Variants in PLCE1 observed in about 807,000 individuals in gnomAD.
PLCE1 encodes phospholipase C epsilon 1, also known as 1-phosphatidylinositol 4,5-bisphosphate phosphodiesterase epsilon-1.
In PLCE1, 119 loss-of-function variants were observed where a neutral mutation model predicts 242.8. That is an observed-to-expected ratio of 0.49 (90% CI 0.42 to 0.57). PLCE1 has a LOEUF of 0.57. Among genes scored for constraint, PLCE1 ranks in the 20% least tolerant of loss-of-function variants. The probability of loss-of-function intolerance (pLI) is 0.00; values close to 1 mark genes in which losing one functional copy is unlikely to be tolerated. For synonymous variants in PLCE1, 945 were observed against 1,017.4 expected, an observed-to-expected ratio of 0.93 and a Z score of 1.35; for missense variants, 2,441 against 2,788.8, an observed-to-expected ratio of 0.88 and a Z score of 2.81.
At position 94,283,902 on chromosome 10, in the gene PLCE1, CAAAGG is replaced by C; in HGVS notation, c.4914_4917+1del. On this transcript the variant is annotated frameshift_variant, in exon 21 of 33. Transcript: ENST00000371380. LOFTEE classifies it high-confidence loss of function. The stretch of plus-strand genomic sequence containing the variant: ...AGAAAGCAGATAACTCTGCTTGCAA[CAAAGG>C]AAAGGTGGGTGAACGGTTTCTGTTA... The C allele has an allele frequency of 6.2e-7, 1 of 1,611,336 alleles. No individual in the cohort carries two copies. The highest frequency in any genetic ancestry group is 8.5e-7 in the Non-Finnish European group (1 of 1,178,112).
chr10:94,141,954 C>A (rs72812701), intron 3 of PLCE1, among the ~76,000 whole-genome samples: 3,602 of 152,176 alleles, frequency 0.024, 63 homozygotes, highest in South Asian at 0.047. Flanking sequence ...CCATTAGATT[C>A]CAAAACTTCC....
intron 3 of PLCE1, among the ~76,000 whole-genome samples, chr10:94,148,318 G>GGAA (rs2047177400): frequency 6.6e-6 from 1 of 152,128 alleles, no homozygotes; most frequent in Admixed American, 6.5e-5. Context: ...GCAGGAGCAG[G>GGAA]GAACATACAG....
chr10:94,074,610 A>G (rs916331116), intron 2 of PLCE1, among the ~76,000 whole-genome samples: 53 of 152,180 alleles, frequency 3.5e-4, no homozygotes, highest in Admixed American at 2.0e-4. Context: ...CTGCTTTATG[A>G]GTATCTTTAT....
chr10:94,033,275 A>C (rs749033168), intron 2 of PLCE1, among the ~76,000 whole-genome samples: 1 of 151,986 alleles, frequency 6.6e-6, no homozygotes, highest in Non-Finnish European at 1.5e-5. Context: ...ACTTATGCAT[A>C]TATTGGATTA....
intron 2 of PLCE1, among the ~76,000 whole-genome samples, chr10:94,074,113 A>G (rs1006413330): frequency 6.6e-6 from 1 of 151,370 alleles, no homozygotes; most frequent in African/African-American, 2.4e-5. Context: ...TATCATTTCT[A>G]TGGGAAAACT....
chr10:94,227,475 T>C, intron 5 of PLCE1, 24 bp downstream of exon 5: 1 of 1,608,786 alleles, frequency 6.2e-7, no homozygotes, highest in Non-Finnish European at 8.5e-7. Flanking sequence ...GGAATATGGT[T>C]ATCTTGGCAC....
In PLCE1 at chr10:94,246,418, A is replaced by G. The variant is rs1015462195; in HGVS notation, c.2893A>G (p.Met965Val). 2 of 1,614,074 alleles carry G rather than the reference A, an allele frequency of 1.2e-6. No individual in the cohort carries two copies. Among genetic ancestry groups the G allele is most frequent in the Non-Finnish European group, 1.7e-6 (2 of 1,179,998 alleles). ...GTGTGTTCAGAACAAACTGGGTAGC[A>G]TGTTCCTGTCAGAGACTGGTGTGAC... ...TVCVQNKLGS[M>V]FLSETGVTLL... The change falls in exon 8 of 33, where the codon ATG becomes GTG. Residue 965 changes from methionine (M) to valine (V), a missense_variant. Transcript: ENST00000371380.
At position 94,186,809 on chromosome 10, in the gene PLCE1, A is replaced by T. The variant is rs566283597; in HGVS notation, c.1809+15313A>T. ...TCTTATCAAAAGGGAAAAAAACTTAATTTGACAATTAGCTACTTGAGGACA... is the reference window on the plus strand; with the variant it reads ...TCTTATCAAAAGGGAAAAAAACTTATTTTGACAATTAGCTACTTGAGGACA... On this transcript the variant is annotated intron_variant, in intron 4 of 32. Coordinates refer to ENST00000371380, the MANE Select transcript of PLCE1 (RefSeq NM_016341.4). Among the ~76,000 whole-genome samples, 15 of 152,364 alleles carry T rather than the reference A, an allele frequency of 9.8e-5. No homozygotes were observed. The South Asian group carries it at 2.5e-3, about 25-fold the overall frequency.
intron 2 of PLCE1, among the ~76,000 whole-genome samples, chr10:94,057,912 T>G (rs113241505): frequency 5.3e-5 from 8 of 152,214 alleles, no homozygotes; most frequent in African/African-American, 1.9e-4. Context: ...ATTAAGTTAT[T>G]TTCTTTTTCT....
chr10:94,076,729 A>G (rs1330399856), intron 2 of PLCE1, among the ~76,000 whole-genome samples: 2 of 151,008 alleles, frequency 1.3e-5, no homozygotes, highest in Admixed American at 6.6e-5. Context: ...TCAGCCTCCT[A>G]GAAGGCCAGG....
intron 11 of PLCE1, 92 bp downstream of exon 11, chr10:94,255,141 A>G (rs1383503393): frequency 8.3e-6 from 12 of 1,445,002 alleles, no homozygotes; most frequent in East Asian, 2.3e-5. Flanking sequence ...TGGAAAGACT[A>G]TTTCACATTT....
At chr10:94,312,791 G>A (rs941597357) in intron 27 of PLCE1, among the ~76,000 whole-genome samples, 8 of 152,096 alleles carry the variant, frequency 5.3e-5, no homozygotes, top group South Asian at 2.1e-4. Context: ...CAAAATGCCC[G>A]AAGAATTGAG....
rs1200818165 is a variant in PLCE1 at position 94,324,477 on chromosome 10, G to A, written c.6630G>A (p.Arg2210=). The change falls in exon 31 of 33, where the codon CGG becomes CGA. Residue 2210 remains arginine, a synonymous_variant. Coordinates refer to ENST00000371380, the MANE Select transcript of PLCE1 (RefSeq NM_016341.4). The stretch of plus-strand genomic sequence containing the variant: ...CTACCACACCAAAGTCCTCTCAGCG[G>A]GTCCTTCTGGATCAGGAGTGTGTGT... ...KKTTTPKSSQ[R]VLLDQECVFQ... 5 of 1,614,050 alleles carry A rather than the reference G, an allele frequency of 3.1e-6. No homozygotes were observed. The highest frequency in any genetic ancestry group is 4.2e-6 in the Non-Finnish European group (5 of 1,180,038).
At chr10:94,282,472 C>G (rs1179205585) in intron 20 of PLCE1, among the ~76,000 whole-genome samples, 1 of 152,068 alleles carries the variant, frequency 6.6e-6, no homozygotes, top group Non-Finnish European at 1.5e-5. Flanking sequence ...CAGCACAATT[C>G]CAAGAAATTA....
chr10:93,997,689 C>T (rs1447003851), intron 1 of PLCE1, among the ~76,000 whole-genome samples: 2 of 132,702 alleles, frequency 1.5e-5, no homozygotes, highest in African/African-American at 5.9e-5. Context: ...TTTAACTCAG[C>T]TCATTAGAAA....
chr10:94,207,514 CGTGTGTGTGTGTGTGT>C (rs56098317), intron 4 of PLCE1, among the ~76,000 whole-genome samples: 29 of 142,876 alleles, frequency 2.0e-4, no homozygotes, highest in South Asian at 9.4e-4. Context: ...AATAGTTATA[CGTGTGTGTGTGTGTGT>C]GTGTGTGTGT....
At chr10:94,089,113 G>A in intron 2 of PLCE1, 1 of 1,613,906 alleles carries the variant, frequency 6.2e-7, no homozygotes, top group Non-Finnish European at 8.5e-7. Context: ...AGAAGGAAGT[G>A]CAGCAGGAAG....
intron 19 of PLCE1, chr10:94,279,473 G>C (rs2052108456): frequency 4.8e-6 from 2 of 413,546 alleles, no homozygotes; most frequent in South Asian, 2.6e-5. Flanking sequence ...GATTGATGCT[G>C]GTTCTCCAAA....
rs1270265043 is a variant in PLCE1, at chr10:93,993,983, C to T, written c.-640C>T. ...GGACTGTGAACGGCGCGGGTCCACACGGTAACGCTGGGCAACGTGGGCAAC... is the reference window on the plus strand; with the variant it reads ...GGACTGTGAACGGCGCGGGTCCACATGGTAACGCTGGGCAACGTGGGCAAC... On this transcript the variant is annotated 5_prime_UTR_variant, in exon 1 of 33. In the 5' UTR this introduces an upstream ATG that the reference lacks. Coordinates refer to ENST00000371380, the MANE Select transcript of PLCE1 (RefSeq NM_016341.4). Among the ~76,000 whole-genome samples, 1 of 151,634 alleles carries T rather than the reference C, an allele frequency of 6.6e-6. No individual in the cohort carries two copies. The highest frequency in any genetic ancestry group is 6.6e-5 in the Admixed American group (1 of 15,216).
Sources: allele counts gnomAD v4.1 joint callset (sites outside exome capture counted in the v4.1 genomes callset), GRCh38; gene constraint gnomAD v4.1.1; transcripts MANE v1.5; gene names NCBI Gene and HGNC (gene_info 2026-07-23, HGNC 2026-07-21).